Variants in ZFAT observed in about 807,000 individuals in gnomAD.
ZFAT encodes zinc finger and AT-hook domain containing.
ZFAT carries 64 observed loss-of-function variants against 117.7 expected under a neutral mutation model. The observed-to-expected ratio is 0.54, with a 90% CI of 0.44 to 0.67. The LOEUF is 0.67. Among genes scored for constraint, ZFAT ranks in the 30% least tolerant of loss-of-function variants. The pLI is 0.00. For missense variants in ZFAT, 1,433 were observed against 1,584.5 expected (o/e 0.90, Z 1.62); for synonymous variants, 679 against 615.0 (o/e 1.10, Z -1.54).
chr8:134,693,941 G>C (rs1442894228), intron 1 of ZFAT, among the ~76,000 whole-genome samples: 1 of 152,230 alleles, frequency 6.6e-6, no homozygotes, highest in Non-Finnish European at 1.5e-5. Flanking sequence ...ATGGTGTGCT[G>C]AGAACGCAGC....
Position 134,602,904 on chromosome 8 carries a change from G to A in ZFAT, c.815C>T (p.Thr272Ile). 1 of 1,612,848 alleles carries A rather than the reference G, an allele frequency of 6.2e-7. No homozygotes were observed. Among genetic ancestry groups the A allele is most frequent in the Non-Finnish European group, 8.5e-7 (1 of 1,179,306 alleles). The change falls in exon 6 of 16, where the codon ACT becomes ATT. Residue 272 changes from threonine to isoleucine, a missense_variant. By Grantham distance (89) the Thr-to-Ile change is moderately conservative. Transcript: ENST00000377838. ...RLGPTQLKIF[T>I]CEYCNKVFKF... is the part of the protein sequence containing the mutation. ...GAAGACCTTGTTGCAGTATTCACAA[G>A]TGAAGATTTTGAGCTGAGTGGGACC...
At chr8:134,528,293 G>A (rs1177971331) in intron 12 of ZFAT, among the ~76,000 whole-genome samples, 1 of 152,174 alleles carries the variant, frequency 6.6e-6, no homozygotes. Flanking sequence ...AAGCTCACAG[G>A]GCCATTGTGA....
the ZFAT span, among the ~76,000 whole-genome samples, chr8:134,735,489 AT>A: frequency 1.3e-5 from 2 of 152,230 alleles, no homozygotes; most frequent in African/African-American, 2.4e-5. Flanking sequence ...AAGGAAAAAA[AT>A]GGCCATCTTT....
chr8:134,498,402 G>A (rs1298209476), intron 15 of ZFAT, among the ~76,000 whole-genome samples: 29 of 64,698 alleles, frequency 4.5e-4, no homozygotes, highest in African/African-American at 2.3e-3. Context: ...GGATGCCCCC[G>A]TTGCTGGTTA....
intron 1 of ZFAT, among the ~76,000 whole-genome samples, chr8:134,680,068 G>T (rs189545447): frequency 3.3e-5 from 5 of 151,454 alleles, no homozygotes; most frequent in Admixed American, 3.3e-4. Context: ...TTCTGTACAT[G>T]TACCCCTGAA....
chr8:134,554,180 T>C (rs544309561), intron 11 of ZFAT, among the ~76,000 whole-genome samples: 2 of 152,158 alleles, frequency 1.3e-5, no homozygotes, highest in East Asian at 3.9e-4. Flanking sequence ...TCAAGTTCTG[T>C]GTATGTTGGA....
chr8:134,675,670 GA>G (rs1413852057), intron 1 of ZFAT, among the ~76,000 whole-genome samples: 3 of 151,966 alleles, frequency 2.0e-5, no homozygotes, highest in Admixed American at 6.6e-5. Flanking sequence ...CACCAAGGTT[GA>G]AATGAAGGCA....
At chr8:134,718,916 G>T in the ZFAT span, among the ~76,000 whole-genome samples, 1 of 152,220 alleles carries the variant, frequency 6.6e-6, no homozygotes, top group Non-Finnish European at 1.5e-5. Flanking sequence ...AATATGACGT[G>T]GCAGTTTGAA....
intron 15 of ZFAT, among the ~76,000 whole-genome samples, chr8:134,507,109 C>T (rs1411809256): frequency 6.6e-6 from 1 of 152,208 alleles, no homozygotes. Context: ...CTCTTTCCAA[C>T]TGGTGCAACA....
At chr8:134,822,881 C>G in the ZFAT span, among the ~76,000 whole-genome samples, 1 of 152,080 alleles carries the variant, frequency 6.6e-6, no homozygotes, top group Non-Finnish European at 1.5e-5. Context: ...GGAAAATTAA[C>G]TTGCACATGC....
chr8:134,672,258 A>G (rs912673554), intron 1 of ZFAT, among the ~76,000 whole-genome samples: 4 of 152,222 alleles, frequency 2.6e-5, no homozygotes, highest in African/African-American at 9.6e-5. Flanking sequence ...AAACTACTTT[A>G]AAGTTCATAT....
intron 3 of ZFAT, among the ~76,000 whole-genome samples, chr8:134,613,921 T>TA (rs780567879): frequency 1.4e-4 from 21 of 152,224 alleles, no homozygotes; most frequent in Non-Finnish European, 2.5e-4. Context: ...TTCCACGGCA[T>TA]AGATATGCCT....
intron 11 of ZFAT, among the ~76,000 whole-genome samples, chr8:134,543,264 G>A (rs1279516090): frequency 1.3e-5 from 2 of 150,884 alleles, no homozygotes; most frequent in African/African-American, 2.4e-5. Context: ...ACACCTCTCT[G>A]TGATAGTCAG....
chr8:134,509,784 G>A (rs777770013), intron 14 of ZFAT, 35 bp from the exon 15 acceptor site: 1 of 1,559,732 alleles, frequency 6.4e-7, no homozygotes, highest in Non-Finnish European at 8.6e-7. Context: ...CACCATTCAG[G>A]CCACTGGTGC....
At chr8:134,828,853 C>A in the ZFAT span, among the ~76,000 whole-genome samples, 1 of 152,228 alleles carries the variant, frequency 6.6e-6, no homozygotes, top group Non-Finnish European at 1.5e-5. Context: ...ACAAGTGACT[C>A]AAACAGAATT....
chr8:134,569,697 C>G (rs1824738043), intron 10 of ZFAT, among the ~76,000 whole-genome samples: 1 of 152,020 alleles, frequency 6.6e-6, no homozygotes, highest in Non-Finnish European at 1.5e-5. Flanking sequence ...GAAAAGCAGC[C>G]CCCTGAAGGA....
intron 1 of ZFAT, among the ~76,000 whole-genome samples, chr8:134,700,846 GCACTGCCCAAGCGACC>G (rs1206265343): frequency 6.6e-6 from 1 of 152,076 alleles, no homozygotes; most frequent in African/African-American, 2.4e-5. Context: ...CAAGCTTCTG[GCACTGCCCAAGCGACC>G]CTTGTACAAG....
the ZFAT span, among the ~76,000 whole-genome samples, chr8:134,764,057 C>G: frequency 2.0e-5 from 3 of 152,146 alleles, no homozygotes; most frequent in South Asian, 2.1e-4. Context: ...CTTGCCAGCT[C>G]CATTATTTAA....
intron 10 of ZFAT, among the ~76,000 whole-genome samples, chr8:134,573,975 G>A (rs927072523): frequency 6.6e-6 from 1 of 152,240 alleles, no homozygotes; most frequent in African/African-American, 2.4e-5. Flanking sequence ...CATTACCCAC[G>A]TTGTCCTGTT....
Sources: allele counts gnomAD v4.1 joint callset (sites outside exome capture counted in the v4.1 genomes callset), GRCh38; gene constraint gnomAD v4.1.1; transcripts MANE v1.5; gene names NCBI Gene and HGNC (gene_info 2026-07-23, HGNC 2026-07-21).